The following CELF2 variants were observed in gnomAD, a reference collection of about 807,000 sequenced individuals.
CELF2 encodes CUGBP Elav-like family member 2, also known as CUG triplet repeat RNA-binding protein 2.
A neutral mutation model predicts 62.6 loss-of-function variants in CELF2; 8 were observed. That is an observed-to-expected ratio of 0.13 (90% CI 0.07 to 0.23). CELF2 has a LOEUF of 0.23. Among genes scored for constraint, CELF2 ranks in the 10% least tolerant of loss-of-function variants. The probability of loss-of-function intolerance (pLI) is 1.00; values close to 1 mark genes in which losing one functional copy is unlikely to be tolerated. For synonymous variants in CELF2, 258 were observed against 250.0 expected, an observed-to-expected ratio of 1.03 and a Z score of -0.30; for missense variants, 333 against 671.0, an observed-to-expected ratio of 0.50 and a Z score of 5.56.
chr10:10,507,284 A>G, the CELF2 span, among the ~76,000 whole-genome samples: 1 of 105,240 alleles, frequency 9.5e-6, no homozygotes, highest in East Asian at 2.8e-4. Flanking sequence ...CATATTTCAT[A>G]CTAACATCCG....
the CELF2 span, among the ~76,000 whole-genome samples, chr10:10,503,096 C>A: frequency 3.3e-5 from 5 of 151,866 alleles, no homozygotes; most frequent in Non-Finnish European, 7.4e-5. Flanking sequence ...GAACACATGA[C>A]GCATGATTTC....
chr10:11,048,102 C>T (rs1485562533), intron 1 of CELF2, among the ~76,000 whole-genome samples: 1 of 152,208 alleles, frequency 6.6e-6, no homozygotes, highest in Non-Finnish European at 1.5e-5. Flanking sequence ...TCAACACTCC[C>T]CAAGGCTGTA....
At chr10:11,103,239 C>A (rs1401236534) in intron 1 of CELF2, among the ~76,000 whole-genome samples, 2 of 152,100 alleles carry the variant, frequency 1.3e-5, no homozygotes, top group Non-Finnish European at 2.9e-5. Flanking sequence ...ATGCTTACAT[C>A]TTTCAAGATT....
chr10:11,035,026 C>T (rs1017035776), intron 1 of CELF2, among the ~76,000 whole-genome samples: 1 of 152,086 alleles, frequency 6.6e-6, no homozygotes, highest in Non-Finnish European at 1.5e-5. Flanking sequence ...TAATAGTATC[C>T]TCCTTTGAAT....
Position 10,990,002 on chromosome 10 carries a change from A to G in CELF2, c.89+70003A>G, listed in dbSNP as rs1012331990. ...AGCAAGCCACTCTTGTATATGGGGG[A>G]ATGTCCATTGCAAATCTGCAAAGCA... On this transcript the variant is annotated intron_variant, in intron 2 of 13. Transcript: ENST00000636488. The surrounding 1 kb of genome is among the most constrained non-coding windows in gnomAD (Gnocchi z 4.6). Among the ~76,000 whole-genome samples the G allele has an allele frequency of 3.3e-5, 5 of 152,148 alleles. No individual in the cohort carries two copies. The highest frequency in any genetic ancestry group is 5.9e-5 in the Non-Finnish European group (4 of 67,986).
At chr10:10,690,631 G>C in the CELF2 span, among the ~76,000 whole-genome samples, 2 of 152,172 alleles carry the variant, frequency 1.3e-5, no homozygotes, top group East Asian at 3.8e-4. Context: ...TATAATCTCA[G>C]CACTTTGGGA....
chr10:10,833,982 A>C (rs57705105), intron 1 of CELF2, among the ~76,000 whole-genome samples: 1,998 of 152,354 alleles, frequency 0.013, 60 homozygotes, highest in African/African-American at 0.046. Context: ...AAAAGAATAT[A>C]AATCATTCTA....
the CELF2 span, among the ~76,000 whole-genome samples, chr10:10,520,687 G>A: frequency 6.6e-6 from 1 of 152,044 alleles, no homozygotes; most frequent in East Asian, 1.9e-4. Flanking sequence ...GAGAAACAAA[G>A]GGCAGCCAGA....
At chr10:10,550,736 T>C in the CELF2 span, among the ~76,000 whole-genome samples, 4 of 152,000 alleles carry the variant, frequency 2.6e-5, no homozygotes, top group African/African-American at 4.8e-5. Flanking sequence ...TTTGCTCTTG[T>C]TGCCCAGGCT....
intron 1 of CELF2, among the ~76,000 whole-genome samples, chr10:11,027,095 T>A (rs1485122306): frequency 6.6e-6 from 1 of 152,190 alleles, no homozygotes; most frequent in Non-Finnish European, 1.5e-5. Context: ...TCTTTGCTCG[T>A]GACTCCCATT....
At chr10:10,642,090 C>T in the CELF2 span, among the ~76,000 whole-genome samples, 1 of 152,112 alleles carries the variant, frequency 6.6e-6, no homozygotes, top group Non-Finnish European at 1.5e-5. Context: ...AAAACAAGGC[C>T]ATCATGGGGG....
chr10:10,939,652 C>A (rs183157801), intron 2 of CELF2, among the ~76,000 whole-genome samples: 1 of 151,574 alleles, frequency 6.6e-6, no homozygotes, highest in Non-Finnish European at 1.5e-5. Flanking sequence ...ATGAATGATT[C>A]AAACAGAATC....
chr10:11,077,760 A>G (rs933353752), intron 1 of CELF2, among the ~76,000 whole-genome samples: 1 of 152,194 alleles, frequency 6.6e-6, no homozygotes, highest in African/African-American at 2.4e-5. Flanking sequence ...ACAATTCACC[A>G]TAATCAAAAC....
chr10:10,905,259 T>C (rs2063239894), intron 1 of CELF2, among the ~76,000 whole-genome samples: 1 of 152,228 alleles, frequency 6.6e-6, no homozygotes, highest in South Asian at 2.1e-4. Context: ...TCCAGTAATT[T>C]CAGTATTTTG....
chr10:10,920,429 C>T (rs1375794756), intron 2 of CELF2, among the ~76,000 whole-genome samples: 1 of 152,064 alleles, frequency 6.6e-6, no homozygotes, highest in African/African-American at 2.4e-5. Context: ...CTGAGCTTCC[C>T]CTGAAGAGCT....
intron 5 of CELF2, among the ~76,000 whole-genome samples, chr10:11,265,652 G>C (rs1411632556): frequency 1.3e-5 from 2 of 152,212 alleles, no homozygotes; most frequent in Non-Finnish European, 2.9e-5. Context: ...TAGTGAAAAG[G>C]GCAATGAGCC....
At chr10:11,115,958 T>C (rs1385990316) in intron 1 of CELF2, among the ~76,000 whole-genome samples, 3 of 152,218 alleles carry the variant, frequency 2.0e-5, no homozygotes, top group Non-Finnish European at 2.9e-5. Context: ...ACAATTGGTA[T>C]GTGAAGAAGA....
intron 1 of CELF2, among the ~76,000 whole-genome samples, chr10:11,063,917 T>G (rs2067422961): frequency 2.0e-5 from 3 of 152,220 alleles, no homozygotes; most frequent in Non-Finnish European, 4.4e-5. Flanking sequence ...TGATGCCTTT[T>G]GCGTTCTGCA....
At chr10:10,746,744 A>C in the CELF2 span, among the ~76,000 whole-genome samples, 3 of 152,238 alleles carry the variant, frequency 2.0e-5, no homozygotes, top group Non-Finnish European at 4.4e-5. Flanking sequence ...AGTAAGTATT[A>C]ATATAATAAA....
Sources: allele counts gnomAD v4.1 joint callset (sites outside exome capture counted in the v4.1 genomes callset), GRCh38; gene constraint gnomAD v4.1.1; non-coding constraint Gnocchi (gnomAD v3.1); transcripts MANE v1.5; gene names NCBI Gene and HGNC (gene_info 2026-07-23, HGNC 2026-07-21).